The following GRIK1 variants were observed in gnomAD, a reference collection of about 807,000 sequenced individuals.
The protein encoded by GRIK1 is glutamate ionotropic receptor kainate type subunit 1, also known as glutamate receptor ionotropic, kainate 1.
A neutral mutation model predicts 105.7 loss-of-function variants in GRIK1; 69 were observed. That is an observed-to-expected ratio of 0.65 (90% CI 0.54 to 0.80). GRIK1 has a LOEUF of 0.80. Ranked by LOEUF, GRIK1 falls within the 30% of genes least tolerant of loss-of-function variation. The pLI is 0.00. For synonymous variants in GRIK1, 438 were observed against 431.3 expected (o/e 1.02, Z -0.19); for missense variants, 1,109 against 1,167.3 (o/e 0.95, Z 0.73).
chr21:29,848,777 A>ATTT (rs1217856804), intron 1 of GRIK1, among the ~76,000 whole-genome samples: 255 of 70,878 alleles, frequency 3.6e-3, no homozygotes, highest in East Asian at 9.3e-3. Flanking sequence ...ATATATATAT[A>ATTT]TATTTTTTTT....
intron 1 of GRIK1, among the ~76,000 whole-genome samples, chr21:29,911,679 T>A (rs2070822541): frequency 6.6e-6 from 1 of 151,980 alleles, no homozygotes; most frequent in Non-Finnish European, 1.5e-5. Context: ...AGCCCCATAA[T>A]GAGTGAGATT....
chr21:29,804,165 C>T lies in GRIK1; in HGVS notation c.119-110102G>A, dbSNP rs1356028540. 5.3e-5 allele frequency among the ~76,000 whole-genome samples: 8 copies of T among 152,188 alleles called. No individual in the cohort carries two copies. In the East Asian group the frequency reaches 1.2e-3, roughly 22 times the overall value. On this transcript the variant is annotated intron_variant, in intron 1 of 17. Transcript: ENST00000327783. ...TACCTCTTTATCTTGATAATAACTC[C>T]CCCATATATCCATTTTTCCCCTAAC...
intron 1 of GRIK1, among the ~76,000 whole-genome samples, chr21:29,730,886 T>C (rs1165885448): frequency 6.6e-6 from 1 of 152,206 alleles, no homozygotes; most frequent in East Asian, 1.9e-4. Context: ...ATAAACCTTA[T>C]TTCTCATCAT....
chr21:29,836,841 C>A (rs1174310630), intron 1 of GRIK1, among the ~76,000 whole-genome samples: 3 of 152,102 alleles, frequency 2.0e-5, no homozygotes, highest in Non-Finnish European at 4.4e-5. Context: ...TTTCAAAATT[C>A]TCTTCTATTA....
At chr21:29,670,656 A>C (rs750300395) in intron 4 of GRIK1, among the ~76,000 whole-genome samples, 1 of 152,320 alleles carries the variant, frequency 6.6e-6, no homozygotes, top group East Asian at 1.9e-4. Flanking sequence ...TAAATGTAAC[A>C]GAAGTCCTCA....
At chr21:29,898,225 G>T (rs1254327081) in intron 1 of GRIK1, among the ~76,000 whole-genome samples, 2 of 152,114 alleles carry the variant, frequency 1.3e-5, no homozygotes, top group Admixed American at 1.3e-4. Flanking sequence ...TCTACCAGCT[G>T]CAAACAGCAG....
At chr21:29,705,853 T>A (rs1367661655) in intron 1 of GRIK1, among the ~76,000 whole-genome samples, 1 of 151,776 alleles carries the variant, frequency 6.6e-6, no homozygotes, top group Non-Finnish European at 1.5e-5. Context: ...TTTGCTATAT[T>A]TTTTTCTTTC....
At chr21:29,835,763 C>T (rs1029490325) in intron 1 of GRIK1, among the ~76,000 whole-genome samples, 1 of 152,074 alleles carries the variant, frequency 6.6e-6, no homozygotes, top group South Asian at 2.1e-4. Flanking sequence ...TCAGAATAAC[C>T]CAATGGGCAA....
chr21:29,548,320 T>A (rs2832395), intron 16 of GRIK1, among the ~76,000 whole-genome samples: 99,036 of 152,086 alleles, frequency 0.65, 32,769 homozygotes, highest in East Asian at 0.76. Context: ...ATCTTTGCAA[T>A]TAGAAATTCT....
chr21:29,541,758 G>T (rs1187373883), intron 16 of GRIK1, among the ~76,000 whole-genome samples: 2 of 151,676 alleles, frequency 1.3e-5, no homozygotes, highest in African/African-American at 4.9e-5. Flanking sequence ...CACTTCTTTT[G>T]CCCAGTCCAT....
intron 14 of GRIK1, 118 bp from the exon 15 acceptor site, chr21:29,561,967 G>C: frequency 1.5e-6 from 1 of 660,860 alleles, no homozygotes; most frequent in Admixed American, 2.3e-5. Context: ...CCACAGGTGG[G>C]GGAGTCAAGA....
chr21:29,617,385 T>G (rs758779734), intron 7 of GRIK1, among the ~76,000 whole-genome samples: 1 of 152,210 alleles, frequency 6.6e-6, no homozygotes, highest in South Asian at 2.1e-4. Flanking sequence ...TGCCATGGAT[T>G]GTTCCCGTGT....
intron 3 of GRIK1, among the ~76,000 whole-genome samples, chr21:29,680,259 A>G (rs1003639103): frequency 6.6e-6 from 1 of 152,258 alleles, no homozygotes; most frequent in Non-Finnish European, 1.5e-5. Context: ...ACATAGCCCA[A>G]TGTCACCACA....
intron 1 of GRIK1, among the ~76,000 whole-genome samples, chr21:29,744,642 G>A (rs1485671991): frequency 1.3e-5 from 2 of 151,502 alleles, no homozygotes; most frequent in Admixed American, 1.3e-4. Context: ...CTTCATTCAG[G>A]TCTCAGGATA....
At chr21:29,891,211 G>A (rs1360334399) in intron 1 of GRIK1, among the ~76,000 whole-genome samples, 1 of 152,072 alleles carries the variant, frequency 6.6e-6, no homozygotes, top group Non-Finnish European at 1.5e-5. Flanking sequence ...GTGTGGAAAA[G>A]CCAAAGAAAA....
intron 1 of GRIK1, among the ~76,000 whole-genome samples, chr21:29,932,192 T>G (rs866717271): frequency 6.6e-6 from 1 of 152,216 alleles, no homozygotes; most frequent in Non-Finnish European, 1.5e-5. Flanking sequence ...GCCTAATCTT[T>G]CAAATTTAAC....
intron 1 of GRIK1, among the ~76,000 whole-genome samples, chr21:29,872,053 C>T (rs559475284): frequency 6.6e-6 from 1 of 152,162 alleles, no homozygotes; most frequent in South Asian, 2.1e-4. Context: ...CATGAGCCAC[C>T]ATGCCAACCA....
At chr21:29,894,154 T>A (rs2070017545) in intron 1 of GRIK1, among the ~76,000 whole-genome samples, 1 of 152,040 alleles carries the variant, frequency 6.6e-6, no homozygotes, top group Non-Finnish European at 1.5e-5. Context: ...CAGAACTAAT[T>A]GGATATATGT....
intron 1 of GRIK1, among the ~76,000 whole-genome samples, chr21:29,761,682 GTTTC>G (rs925002155): frequency 5.3e-5 from 8 of 150,394 alleles, no homozygotes; most frequent in Admixed American, 2.6e-4. Context: ...TTTTAAAAAT[GTTTC>G]TTTCTTTCTT....
Sources: allele counts gnomAD v4.1 joint callset (sites outside exome capture counted in the v4.1 genomes callset), GRCh38; gene constraint gnomAD v4.1.1; transcripts MANE v1.5; gene names NCBI Gene and HGNC (gene_info 2026-07-23, HGNC 2026-07-21).